LNP1: variants seen among roughly 807,000 people sequenced by gnomAD.
LNP1 encodes the protein leukemia NUP98 fusion partner 1.
A neutral mutation model predicts 14.5 loss-of-function variants in LNP1; 12 were observed. The ratio of observed to expected loss-of-function variants is 0.83; its 90% CI spans 0.53 to 1.34. LNP1 has a LOEUF of 1.34. Among genes scored for constraint, LNP1 ranks in the 40% most tolerant of loss-of-function variants. LNP1 has a pLI of 0.00. For missense variants in LNP1, 198 were observed against 210.9 expected (o/e 0.94, Z 0.38); for synonymous variants, 75 against 71.4 (o/e 1.05, Z -0.26).
At chr3:100,413,850 C>CA (rs1354807035) in intron 1 of LNP1, among the ~76,000 whole-genome samples, 3 of 152,210 alleles carry the variant, frequency 2.0e-5, no homozygotes, top group Non-Finnish European at 4.4e-5. Flanking sequence ...AAAAGGCATT[C>CA]AAACTAGCAG....
chr3:100,432,266 C>A (rs1277455199), intron 2 of LNP1, among the ~76,000 whole-genome samples: 1 of 151,424 alleles, frequency 6.6e-6, no homozygotes, highest in East Asian at 2.0e-4. Context: ...TTCCCCCTTG[C>A]CTACTTTGAA....
In LNP1 at chr3:100,409,720, G is replaced by A. The variant is rs1054115342; in HGVS notation, c.-34+7281G>A. 2.0e-5 allele frequency among the ~76,000 whole-genome samples: 3 copies of A among 150,066 alleles called. 1 individual carries two copies. The highest frequency in any genetic ancestry group is 7.3e-5 in the African/African-American group (3 of 40,902). On this transcript the variant is annotated intron_variant, in intron 1 of 3. Coordinates refer to ENST00000383693, the MANE Select transcript of LNP1 (RefSeq NM_001085451.2). ...TCAAGCGATTCTGCCTTAGCCTCCC[G>A]AGTATCTGGGATTGCAGGTACCCAC...
chr3:100,432,672 A>G (rs1439845986), intron 2 of LNP1, among the ~76,000 whole-genome samples: 8 of 152,234 alleles, frequency 5.3e-5, no homozygotes, highest in Non-Finnish European at 1.0e-4. Context: ...TCTCATTATT[A>G]AACTGACTTG....
chr3:100,409,875 G>A (rs1707012198), intron 1 of LNP1, among the ~76,000 whole-genome samples: 1 of 151,442 alleles, frequency 6.6e-6, no homozygotes, highest in Non-Finnish European at 1.5e-5. Context: ...GATTACAGGC[G>A]TGAGCCACCA....
At chr3:100,428,251 G>A (rs1279278520) in intron 1 of LNP1, among the ~76,000 whole-genome samples, 3 of 152,066 alleles carry the variant, frequency 2.0e-5, no homozygotes, top group Admixed American at 6.6e-5. Context: ...AGCATATATG[G>A]GATCTGGCGT....
At chr3:100,430,365 A>G (rs1707231153) in intron 2 of LNP1, among the ~76,000 whole-genome samples, 1 of 152,164 alleles carries the variant, frequency 6.6e-6, no homozygotes, top group Admixed American at 6.6e-5. Flanking sequence ...CAGGGAGTCC[A>G]TTTGGTTTCT....
intron 1 of LNP1, among the ~76,000 whole-genome samples, chr3:100,407,898 A>G (rs1706986533): frequency 6.6e-6 from 1 of 151,736 alleles, no homozygotes; most frequent in Non-Finnish European, 1.5e-5. Context: ...ACATTTTTAC[A>G]TTCATTGTAT....
At chr3:100,430,246 G>C (rs529586213) in intron 2 of LNP1, among the ~76,000 whole-genome samples, 1 of 152,142 alleles carries the variant, frequency 6.6e-6, no homozygotes, top group Non-Finnish European at 1.5e-5. Context: ...TGTGATTTCC[G>C]TTTGAAATAC....
intron 2 of LNP1, among the ~76,000 whole-genome samples, chr3:100,436,419 G>C (rs1011156418): frequency 6.6e-6 from 1 of 152,118 alleles, no homozygotes; most frequent in Non-Finnish European, 1.5e-5. Flanking sequence ...CTGTTCAGTT[G>C]ATGAGGGGCT....
intron 2 of LNP1, among the ~76,000 whole-genome samples, chr3:100,449,786 AC>A (rs1223503560): frequency 6.6e-6 from 1 of 152,186 alleles, no homozygotes; most frequent in Non-Finnish European, 1.5e-5. Context: ...CCTTAAAAAA[AC>A]CTTTTAAATC....
intron 3 of LNP1, among the ~76,000 whole-genome samples, chr3:100,453,041 G>A (rs748921168): frequency 1.3e-5 from 2 of 152,150 alleles, no homozygotes; most frequent in Non-Finnish European, 2.9e-5. Context: ...TCTGGTTCTG[G>A]AGCTAGACTC....
chr3:100,421,265 G>A (rs1387903815), intron 1 of LNP1, among the ~76,000 whole-genome samples: 2 of 152,134 alleles, frequency 1.3e-5, no homozygotes, highest in East Asian at 3.8e-4. Context: ...AAATATATGT[G>A]GGTCTCTTTC....
intron 1 of LNP1, among the ~76,000 whole-genome samples, chr3:100,404,357 A>G (rs1706943388): frequency 6.6e-6 from 1 of 152,184 alleles, no homozygotes; most frequent in African/African-American, 2.4e-5. Flanking sequence ...ACAGCTTTCT[A>G]TGATGCTGGA....
intron 1 of LNP1, among the ~76,000 whole-genome samples, chr3:100,416,434 A>G (rs1707084014): frequency 6.6e-6 from 1 of 151,806 alleles, no homozygotes; most frequent in African/African-American, 2.4e-5. Context: ...CTTTGTCTTT[A>G]TTTATTTTTT....
At chr3:100,426,063 C>G (rs1707189771) in intron 1 of LNP1, among the ~76,000 whole-genome samples, 1 of 152,124 alleles carries the variant, frequency 6.6e-6, no homozygotes, top group African/African-American at 2.4e-5. Context: ...TGGAGGGGTC[C>G]CACTCTCTGT....
intron 1 of LNP1, among the ~76,000 whole-genome samples, chr3:100,409,542 C>G (rs6799116): frequency 7.0e-6 from 1 of 141,898 alleles, no homozygotes; most frequent in East Asian, 2.1e-4. Context: ...CTCTCTCTCT[C>G]TATATATATA....
At chr3:100,452,333 G>T (rs139289224) in intron 3 of LNP1, among the ~76,000 whole-genome samples, 1,702 of 151,372 alleles carry the variant, frequency 0.011, 22 homozygotes, top group African/African-American at 0.039. Flanking sequence ...CTCTTGAGTA[G>T]CTGGGACTAC....
At chr3:100,408,542 G>A (rs1473759539) in intron 1 of LNP1, among the ~76,000 whole-genome samples, 2 of 152,176 alleles carry the variant, frequency 1.3e-5, no homozygotes, top group African/African-American at 4.8e-5. Context: ...TGGGTTATTT[G>A]GATCCCAAGA....
chr3:100,417,771 G>T (rs922981979), intron 1 of LNP1, among the ~76,000 whole-genome samples: 4 of 151,956 alleles, frequency 2.6e-5, no homozygotes, highest in African/African-American at 9.7e-5. Flanking sequence ...CCCTTGCTTT[G>T]CTTTTCTTTT....
Sources: gnomAD v4.1 joint callset for allele counts (sites outside exome capture counted in the v4.1 genomes callset) on GRCh38, gnomAD v4.1.1 for gene constraint, MANE v1.5 for transcripts, NCBI Gene and HGNC (gene_info 2026-07-23, HGNC 2026-07-21) for gene names.